Variants in TENM3 observed in about 807,000 individuals in gnomAD.
The protein encoded by TENM3 is teneurin transmembrane protein 3.
A neutral mutation model predicts 255.1 loss-of-function variants in TENM3; 63 were observed. That is an observed-to-expected ratio of 0.25 (90% confidence interval 0.20 to 0.30). TENM3 has a LOEUF of 0.30. TENM3 is among the 10% of genes least tolerant of loss of function. The pLI is 1.00. For synonymous variants in TENM3, 1,306 were observed against 1,322.3 expected, an observed-to-expected ratio of 0.99 and a Z score of 0.27; for missense variants, 2,929 against 3,461.1, an observed-to-expected ratio of 0.85 and a Z score of 3.86.
At chr4:182,504,218 C>T (rs1180739077) in intron 3 of TENM3, among the ~76,000 whole-genome samples, 3 of 151,788 alleles carry the variant, frequency 2.0e-5, no homozygotes, top group Non-Finnish European at 2.9e-5. Flanking sequence ...TCACTCATCC[C>T]CTGATGAATC....
At chr4:182,273,375 A>G (rs889510749) in intron 1 of TENM3, among the ~76,000 whole-genome samples, 1 of 152,230 alleles carries the variant, frequency 6.6e-6, no homozygotes, top group Non-Finnish European at 1.5e-5. Context: ...CCAGAAGATA[A>G]GCATTTTGCA....
chr4:182,799,933 C>A lies in TENM3; in HGVS notation c.7682C>A (p.Thr2561Lys). ...ACCACGCCCGAGAGCGACCTGGGCA[C>A]GCTGCGGTTGACCAGCGGCCGCAAG... ...KTTTPESDLG[T>K]LRLTSGRKAL... Residue 2561 changes from threonine (T) to lysine (K), a missense_variant, in exon 28 of 28, where the codon ACG becomes AAG. Thr to Lys is a moderately conservative substitution (Grantham distance 78, BLOSUM62 -1). Around this residue, in one of 6 missense-constraint regions of TENM3, gnomAD observed 476 missense variants for 480.1 expected, o/e 0.99. Coordinates refer to ENST00000511685, the MANE Select transcript of TENM3 (RefSeq NM_001080477.4). The surrounding 1 kb of genome is among the most constrained non-coding windows in gnomAD (Gnocchi z 4.2). 2 of 1,598,914 alleles carry A rather than the reference C, an allele frequency of 1.3e-6. 1 individual carries two copies. Among genetic ancestry groups the A allele is most frequent in the Non-Finnish European group, 1.7e-6 (2 of 1,173,136 alleles).
At chr4:182,104,157 C>T in the TENM3 span, among the ~76,000 whole-genome samples, 6 of 152,166 alleles carry the variant, frequency 3.9e-5, no homozygotes, top group Non-Finnish European at 5.9e-5. Flanking sequence ...ATGTCACTGA[C>T]CATGGAATCA....
the TENM3 span, among the ~76,000 whole-genome samples, chr4:181,974,758 G>A: frequency 6.6e-6 from 1 of 152,146 alleles, no homozygotes; most frequent in Non-Finnish European, 1.5e-5. Flanking sequence ...GAACTGATAT[G>A]ATCTTACTTC....
the TENM3 span, among the ~76,000 whole-genome samples, chr4:181,969,097 A>G: frequency 2.6e-5 from 4 of 151,962 alleles, no homozygotes; most frequent in African/African-American, 9.7e-5. Context: ...AAAAGTTAGC[A>G]TTAGCTTGTT....
At chr4:182,159,060 C>G (rs959346323) in intron 1 of TENM3, among the ~76,000 whole-genome samples, 1 of 152,186 alleles carries the variant, frequency 6.6e-6, no homozygotes, top group South Asian at 2.1e-4. Context: ...AAAGCTGCCT[C>G]GTCTCTGACC....
chr4:181,803,552 A>G, the TENM3 span, among the ~76,000 whole-genome samples: 1 of 152,188 alleles, frequency 6.6e-6, no homozygotes, highest in African/African-American at 2.4e-5. Context: ...TAAACTCAAT[A>G]AGACTTTCTA....
intron 10 of TENM3, 95 bp from the exon 11 acceptor site, chr4:182,681,719 A>T: frequency 1.1e-6 from 1 of 902,064 alleles, no homozygotes; most frequent in South Asian, 1.9e-5. Context: ...ATTTTCCAAA[A>T]TGTTCATATA....
the TENM3 span, among the ~76,000 whole-genome samples, chr4:181,453,265 G>T: frequency 6.6e-5 from 10 of 152,142 alleles, no homozygotes; most frequent in Non-Finnish European, 1.2e-4. Context: ...AGGTCCTGAT[G>T]GAGTCGAATA....
chr4:181,945,521 C>T, the TENM3 span, among the ~76,000 whole-genome samples: 1 of 151,958 alleles, frequency 6.6e-6, no homozygotes, highest in African/African-American at 2.4e-5. Context: ...ATTTTAGTTC[C>T]GATTGCCTGC....
chr4:182,772,831 C>T (rs1764370524), intron 22 of TENM3, among the ~76,000 whole-genome samples: 1 of 151,930 alleles, frequency 6.6e-6, no homozygotes, highest in African/African-American at 2.4e-5. Flanking sequence ...CAGTAAATCA[C>T]CATGCAAGAT....
At chr4:182,335,363 C>T (rs1053413480) in intron 2 of TENM3, among the ~76,000 whole-genome samples, 52 of 146,316 alleles carry the variant, frequency 3.6e-4, no homozygotes, top group Non-Finnish European at 4.2e-4. Flanking sequence ...GGCGCGGTGG[C>T]AGGCGCCTGT....
the TENM3 span, among the ~76,000 whole-genome samples, chr4:181,834,616 C>T: frequency 1.7e-4 from 26 of 152,232 alleles, no homozygotes; most frequent in South Asian, 2.1e-4. Context: ...GCGGGGGAAG[C>T]GGGGAAGGAA....
intron 1 of TENM3, among the ~76,000 whole-genome samples, chr4:182,212,798 G>A (rs1755143810): frequency 6.6e-6 from 1 of 152,210 alleles, no homozygotes; most frequent in African/African-American, 2.4e-5. Context: ...GATAGAACGA[G>A]TGGTGCAAAA....
chr4:182,714,082 G>A lies in TENM3; in HGVS notation c.2222-5G>A, dbSNP rs1182978861. On this transcript the variant is annotated splice_polypyrimidine_tract_variant and splice_region_variant and intron_variant, in intron 12 of 27. Transcript: ENST00000511685. ...CACTGGTGTTTTCCTTCTTTGTCTC[G>A]ACAGAGGGTTGTCCTGGTCTGTGCA... 14 of 1,611,106 alleles carry A rather than the reference G, an allele frequency of 8.7e-6. No homozygotes were observed. The highest frequency in any genetic ancestry group is 5.5e-5 in the South Asian group (5 of 90,426).
chr4:181,792,952 A>G, the TENM3 span, among the ~76,000 whole-genome samples: 1 of 152,070 alleles, frequency 6.6e-6, no homozygotes. Flanking sequence ...TAGCCCTTGA[A>G]GTTATAGACG....
chr4:181,537,191 G>A, the TENM3 span, among the ~76,000 whole-genome samples: 1 of 152,034 alleles, frequency 6.6e-6, no homozygotes, highest in African/African-American at 2.4e-5. Context: ...ATTAAGAAAG[G>A]GAGTCTACAC....
At chr4:181,707,550 T>C in the TENM3 span, among the ~76,000 whole-genome samples, 2 of 152,212 alleles carry the variant, frequency 1.3e-5, no homozygotes, top group African/African-American at 2.4e-5. Flanking sequence ...CAGCTAAGCA[T>C]CCAAGAGTGG....
At chr4:181,944,418 C>A in the TENM3 span, among the ~76,000 whole-genome samples, 1 of 150,422 alleles carries the variant, frequency 6.6e-6, no homozygotes, top group East Asian at 2.0e-4. Flanking sequence ...GGATGTTGAG[C>A]ACCCACACTG....
Sources: gnomAD v4.1 joint callset for allele counts (sites outside exome capture counted in the v4.1 genomes callset) on GRCh38, gnomAD v4.1.1 for gene constraint, gnomAD v4.1.1 regional missense constraint, Gnocchi (gnomAD v3.1) non-coding constraint, MANE v1.5 for transcripts, NCBI Gene and HGNC (gene_info 2026-07-23, HGNC 2026-07-21) for gene names.